MTMR1: variants seen among roughly 807,000 people sequenced by gnomAD.
MTMR1 encodes myotubularin related protein 1.
A neutral mutation model predicts 51.6 loss-of-function variants in MTMR1; 17 were observed. The observed-to-expected ratio is 0.33, with a 90% CI of 0.23 to 0.49. MTMR1 has a LOEUF of 0.49. MTMR1 is among the 20% of genes least tolerant of loss of function. The pLI, the probability that MTMR1 is intolerant of heterozygous loss-of-function variation, is 0.99. For missense variants in MTMR1, 386 were observed against 526.9 expected (o/e 0.73, Z 2.62); for synonymous variants, 201 against 205.6 (o/e 0.98, Z 0.19).
In MTMR1 at chrX:150,762,835, C is replaced by G. The variant is rs2043186650; in HGVS notation, c.*106C>G. On this transcript the variant is annotated 3_prime_UTR_variant, in exon 16 of 16. Transcript: ENST00000445323. ...TGTGATCTTGTCTTTTAGGATTAGG[C>G]CCAGGGACCATTTGTGTGGCTAGGT... The G allele has an allele frequency of 2.2e-6, 2 of 901,315 alleles. No individual in the cohort carries two copies. The highest frequency in any genetic ancestry group is 7.6e-5 in the East Asian group (2 of 26,168). The allele number at this position is 901,315 out of a possible 1,213,427, so 74.3% of individuals were successfully genotyped here.
intron 4 of MTMR1, among the ~76,000 whole-genome samples, chrX:150,720,914 TATA>T (rs111490667): frequency 0.012 from 1,342 of 111,975 alleles, 30 homozygotes; most frequent in African/African-American, 0.041. Context: ...CACCATGAAA[TATA>T]ATGTTAGCTG....
At chrX:150,761,380 C>T (rs1557418020) in intron 15 of MTMR1, among the ~76,000 whole-genome samples, 1 of 112,302 alleles carries the variant, frequency 8.9e-6, no homozygotes, top group African/African-American at 3.2e-5. Context: ...TGCGGTCTCG[C>T]TCTCATCCTC....
chrX:150,698,678 G>GCACACA (rs1444236629), intron 1 of MTMR1, among the ~76,000 whole-genome samples: 99 of 70,796 alleles, frequency 1.4e-3, no homozygotes, highest in Middle Eastern at 7.1e-3. Flanking sequence ...CTACACGCGC[G>GCACACA]CGCACACACA....
At chrX:150,741,064 G>A (rs1027839219) in intron 12 of MTMR1, among the ~76,000 whole-genome samples, 13 of 111,991 alleles carry the variant, frequency 1.2e-4, no homozygotes, top group African/African-American at 3.6e-4. Flanking sequence ...AACAATAGCA[G>A]TAGCCTTTCT....
In MTMR1 at chrX:150,764,868, T is replaced by TATC. The variant is rs1372597916; in HGVS notation, c.*2139_*2140insATC. On this transcript the variant is annotated 3_prime_UTR_variant, in exon 16 of 16. Transcript: ENST00000445323. ...TTTAAAAACTGGTACAGTATTGTAT[T>TATC]TGTCTCATCTGTTGCACTGTATTTC... is the stretch of plus-strand genomic sequence containing the variant. 9.0e-6 allele frequency: 1 copy of TATC among 111,583 alleles called. No individual in the cohort carries two copies. Among genetic ancestry groups the TATC allele is most frequent in the East Asian group, 2.8e-4 (1 of 3,518 alleles). 9.2% of individuals were successfully genotyped at this position (111,583 alleles called of 1,213,427 possible). A position where few individuals can be genotyped will look rare whatever the true frequency, so the allele number is the denominator to read the frequency against.
At chrX:150,754,950 C>T (rs781947701) in intron 14 of MTMR1, among the ~76,000 whole-genome samples, 2 of 107,157 alleles carry the variant, frequency 1.9e-5, no homozygotes, top group East Asian at 3.0e-4. Flanking sequence ...TGCTTGAACC[C>T]GGGAGGCAGA....
chrX:150,725,515 C>T (rs1036788273), intron 4 of MTMR1, among the ~76,000 whole-genome samples: 9 of 111,232 alleles, frequency 8.1e-5, no homozygotes, highest in Non-Finnish European at 1.7e-4. Flanking sequence ...TATTTTATGT[C>T]CTGTGATTGC....
chrX:150,753,694 T>C (rs1197170254), intron 14 of MTMR1, among the ~76,000 whole-genome samples: 1 of 112,358 alleles, frequency 8.9e-6, no homozygotes, highest in Non-Finnish European at 1.9e-5. Flanking sequence ...TTGTAAGAGT[T>C]CCTTATACAT....
chrX:150,738,349 G>A (rs2042335370), intron 12 of MTMR1, among the ~76,000 whole-genome samples: 1 of 112,303 alleles, frequency 8.9e-6, no homozygotes, highest in South Asian at 3.7e-4. Context: ...TCCCTTGTGT[G>A]TATATACCAC....
intron 10 of MTMR1, chrX:150,735,537 A>G: frequency 2.1e-6 from 1 of 482,738 alleles, no homozygotes; most frequent in Non-Finnish European, 3.7e-6. Flanking sequence ...TTTTTGGATG[A>G]CCCATCATCT....
At chrX:150,698,385 A>G (rs1447891318) in intron 1 of MTMR1, among the ~76,000 whole-genome samples, 1 of 111,620 alleles carries the variant, frequency 9.0e-6, no homozygotes, top group Non-Finnish European at 1.9e-5. Context: ...CACAGAGAAC[A>G]TCATTTTTCT....
chrX:150,742,816 C>CAAA (rs1159891625), intron 12 of MTMR1, among the ~76,000 whole-genome samples: 6 of 21,634 alleles, frequency 2.8e-4, no homozygotes, highest in East Asian at 1.5e-3. Context: ...GACTCCATCT[C>CAAA]AAAAAAAAAA....
intron 12 of MTMR1, among the ~76,000 whole-genome samples, chrX:150,738,360 ATGT>A (rs1446777030): frequency 8.9e-6 from 1 of 112,349 alleles, no homozygotes; most frequent in Non-Finnish European, 1.9e-5. Flanking sequence ...TATATACCAC[ATGT>A]TGTTTATCTG....
chrX:150,752,624 GTTTTTT>G (rs782406235), intron 14 of MTMR1, among the ~76,000 whole-genome samples: 11 of 57,460 alleles, frequency 1.9e-4, no homozygotes, highest in African/African-American at 5.7e-4. Flanking sequence ...GCTTTATCTT[GTTTTTT>G]TTTTTTTTTT....
intron 10 of MTMR1, chrX:150,735,546 C>G: frequency 2.1e-6 from 1 of 470,106 alleles, no homozygotes; most frequent in Non-Finnish European, 3.8e-6. Flanking sequence ...GACCCATCAT[C>G]TCTTACCTCA....
At position 150,694,053 on chromosome X, in the gene MTMR1, G is replaced by T. The variant is rs782006687; in HGVS notation, c.146+377G>T. ...CTCTTGGGAGGGAGATCCCACCCGG[G>T]CTCTCCTCTTCTAGCATCACCTTGC... On this transcript the variant is annotated intron_variant, in intron 1 of 15. Transcript: ENST00000445323. Among the ~76,000 whole-genome samples, 523 of 111,689 alleles carry T rather than the reference G, an allele frequency of 4.7e-3. 3 individuals are homozygous for T. Among genetic ancestry groups the T allele is most frequent in the African/African-American group, 0.016 (496 of 30,734 alleles).
chrX:150,723,132 T>C (rs1458883352), intron 4 of MTMR1, among the ~76,000 whole-genome samples: 2 of 109,975 alleles, frequency 1.8e-5, no homozygotes, highest in Non-Finnish European at 3.8e-5. Context: ...GATAGTTTAC[T>C]GAGAATGATG....
intron 3 of MTMR1, among the ~76,000 whole-genome samples, chrX:150,715,980 C>T (rs1284560367): frequency 8.9e-6 from 1 of 112,320 alleles, no homozygotes; most frequent in Non-Finnish European, 1.9e-5. Context: ...CCTCTGTCTC[C>T]TATATGCAAC....
At chrX:150,727,192 C>T in intron 4 of MTMR1, 23 bp from the exon 5 acceptor site, 2 of 1,076,288 alleles carry the variant, frequency 1.9e-6, no homozygotes, top group South Asian at 2.0e-5. Context: ...GCAGTAGTTG[C>T]TACTTTGGCC....
Sources: gnomAD v4.1 joint callset for allele counts (sites outside exome capture counted in the v4.1 genomes callset) on GRCh38, gnomAD v4.1.1 for gene constraint, MANE v1.5 for transcripts, NCBI Gene and HGNC (gene_info 2026-07-23, HGNC 2026-07-21) for gene names.